The following FRMD4A variants were observed in gnomAD, a reference collection of about 807,000 sequenced individuals.
The protein encoded by FRMD4A is FERM domain containing 4A.
Under a neutral mutation model 129.1 loss-of-function variants are expected in FRMD4A, and 29 were observed. The observed-to-expected ratio is 0.22, with a 90% CI of 0.17 to 0.31. FRMD4A has a LOEUF of 0.31. Among genes scored for constraint, FRMD4A ranks in the 10% least tolerant of loss-of-function variants. The pLI, the probability that FRMD4A is intolerant of heterozygous loss-of-function variation, is 1.00. For missense variants in FRMD4A, 1,272 were observed against 1,375.8 expected, an observed-to-expected ratio of 0.92 and a Z score of 1.19; for synonymous variants, 634 against 571.6, an observed-to-expected ratio of 1.11 and a Z score of -1.56.
At chr10:14,206,690 C>T (rs190162482) in intron 2 of FRMD4A, among the ~76,000 whole-genome samples, 134 of 151,472 alleles carry the variant, frequency 8.8e-4, no homozygotes, top group Non-Finnish European at 1.7e-3. Context: ...TCCTGTAATC[C>T]CAGCTACTCG....
intron 9 of FRMD4A, among the ~76,000 whole-genome samples, chr10:13,741,997 C>G (rs952505060): frequency 6.6e-6 from 1 of 152,134 alleles, no homozygotes; most frequent in Non-Finnish European, 1.5e-5. Context: ...GCTGGGATTA[C>G]AGGTGTGTGT....
chr10:13,669,775 T>C (rs1207521792), intron 17 of FRMD4A, among the ~76,000 whole-genome samples: 1 of 151,802 alleles, frequency 6.6e-6, no homozygotes, highest in African/African-American at 2.4e-5. Flanking sequence ...GTCTTGGTTT[T>C]GTTTGTTTGT....
chr10:13,849,026 G>A (rs181374673), intron 3 of FRMD4A, among the ~76,000 whole-genome samples: 1 of 152,262 alleles, frequency 6.6e-6, no homozygotes, highest in East Asian at 1.9e-4. Context: ...CCACCCCTGG[G>A]GGCTGGGAAG....
At chr10:14,195,411 C>T (rs1842443556) in intron 2 of FRMD4A, among the ~76,000 whole-genome samples, 1 of 148,150 alleles carries the variant, frequency 6.7e-6, no homozygotes, top group Non-Finnish European at 1.5e-5. Flanking sequence ...TAAATTGTCT[C>T]CCCTGTGTTT....
chr10:14,181,344 G>T (rs976310350), intron 2 of FRMD4A, among the ~76,000 whole-genome samples: 1 of 152,058 alleles, frequency 6.6e-6, no homozygotes, highest in African/African-American at 2.4e-5. Flanking sequence ...AGAGGGAGAA[G>T]AAAACCGACA....
rs532898892 is a variant in FRMD4A at position 14,026,947 on chromosome 10, T to TA, written c.46-168036dup. On this transcript the variant is annotated intron_variant, in intron 2 of 24. Coordinates refer to ENST00000357447, the MANE Select transcript of FRMD4A (RefSeq NM_018027.5). ...CAACATCAAATTTTCTTTCTTTTTTTAAAAGAATTTATTTTTATTGTTTGT... is the reference window on the plus strand; with the variant it reads ...CAACATCAAATTTTCTTTCTTTTTTTAAAAAGAATTTATTTTTATTGTTTGT... Among the ~76,000 whole-genome samples, 196 of 152,346 alleles carry TA rather than the reference T, an allele frequency of 1.3e-3. 2 individuals are homozygous for TA. Among genetic ancestry groups the TA allele is most frequent in the Admixed American group, 5.4e-3 (83 of 15,306 alleles).
chr10:13,735,437 C>T (rs560839794), intron 12 of FRMD4A, among the ~76,000 whole-genome samples: 8 of 152,264 alleles, frequency 5.3e-5, no homozygotes, highest in Non-Finnish European at 1.2e-4. Context: ...TTATTCATGC[C>T]TTTGGCCTCT....
At chr10:14,098,207 T>C (rs969660672) in intron 2 of FRMD4A, among the ~76,000 whole-genome samples, 5 of 150,020 alleles carry the variant, frequency 3.3e-5, no homozygotes, top group African/African-American at 1.2e-4. Context: ...CACTGGATTA[T>C]TGTGGCAGCC....
intron 4 of FRMD4A, among the ~76,000 whole-genome samples, chr10:13,808,006 C>A (rs1443646239): frequency 1.3e-5 from 2 of 152,052 alleles, no homozygotes; most frequent in African/African-American, 4.8e-5. Context: ...ACCATGTTGG[C>A]CAGGCTGGTC....
chr10:13,681,663 T>G (rs1460067833), intron 15 of FRMD4A, among the ~76,000 whole-genome samples: 1 of 152,158 alleles, frequency 6.6e-6, no homozygotes, highest in Non-Finnish European at 1.5e-5. Context: ...CACAAACTGT[T>G]ATGTAGCTTC....
intron 2 of FRMD4A, among the ~76,000 whole-genome samples, chr10:13,928,326 ATT>A (rs71505011): frequency 6.7e-6 from 1 of 148,616 alleles, no homozygotes; most frequent in African/African-American, 2.5e-5. Context: ...CTTTAGCTGG[ATT>A]TTTTTTTTTG....
Position 13,740,595 on chromosome 10 carries a change from G to C in FRMD4A, c.549-18C>G. ...TGTCTTCACTGTAATTAGAAGAAAA[G>C]AATGCTGTTGTTGGAGTCTCTAGGT... On this transcript the variant is annotated intron_variant, in intron 9 of 24. Transcript: ENST00000357447. The C allele has an allele frequency of 7.1e-7, 1 of 1,414,032 alleles. No individual in the cohort carries two copies. Among genetic ancestry groups the C allele is most frequent in the Non-Finnish European group, 9.9e-7 (1 of 1,007,440 alleles). 87.6% of individuals were successfully genotyped at this position (1,414,032 alleles called of 1,614,324 possible). A position where few individuals can be genotyped will look rare whatever the true frequency, so the allele number is the denominator to read the frequency against.
chr10:13,650,606 C>T (rs546590964), intron 24 of FRMD4A, among the ~76,000 whole-genome samples: 9 of 152,326 alleles, frequency 5.9e-5, no homozygotes, highest in East Asian at 1.9e-4. Flanking sequence ...ATACTGCTCT[C>T]ATGACATCAC....
At chr10:13,659,652 C>CAGGGGGTA (rs939745471) in intron 20 of FRMD4A, among the ~76,000 whole-genome samples, 162 bp from the exon 21 acceptor site, 2 of 152,168 alleles carry the variant, frequency 1.3e-5, no homozygotes, top group African/African-American at 4.8e-5. Context: ...CTTTCCCCAG[C>CAGGGGGTA]AGGGGGTATG....
intron 2 of FRMD4A, among the ~76,000 whole-genome samples, chr10:14,303,125 C>T (rs192988605): frequency 4.5e-4 from 68 of 152,312 alleles, no homozygotes; most frequent in African/African-American, 1.6e-3. Flanking sequence ...AACGCCGATG[C>T]TCACATTCCA....
intron 2 of FRMD4A, among the ~76,000 whole-genome samples, chr10:14,316,382 TG>T (rs1349493683): frequency 1.3e-5 from 2 of 152,054 alleles, no homozygotes; most frequent in East Asian, 3.9e-4. Context: ...TGTGGGATGA[TG>T]TAGCAAGAAG....
chr10:13,798,246 A>G (rs1366941342), intron 4 of FRMD4A, among the ~76,000 whole-genome samples: 1 of 151,982 alleles, frequency 6.6e-6, no homozygotes, highest in Admixed American at 6.6e-5. Flanking sequence ...CCCTGTCTCT[A>G]CTAAAAATAC....
At chr10:14,097,138 T>A (rs1442045331) in intron 2 of FRMD4A, 1 of 38,080 alleles carries the variant, frequency 2.6e-5, no homozygotes, top group East Asian at 1.1e-3. Context: ...TGAGACTCCA[T>A]CTCAAAAAAA....
chr10:13,794,203 C>T (rs925555064), intron 5 of FRMD4A, among the ~76,000 whole-genome samples: 5 of 151,974 alleles, frequency 3.3e-5, no homozygotes, highest in Non-Finnish European at 7.4e-5. Flanking sequence ...ACCAGCCTGA[C>T]CAACATGGTG....
Sources: gnomAD v4.1 joint callset for allele counts (sites outside exome capture counted in the v4.1 genomes callset) on GRCh38, gnomAD v4.1.1 for gene constraint, MANE v1.5 for transcripts, NCBI Gene and HGNC (gene_info 2026-07-23, HGNC 2026-07-21) for gene names.